KCNIP1: variants seen among roughly 807,000 people sequenced by gnomAD.
KCNIP1 encodes the protein potassium voltage-gated channel interacting protein 1.
In KCNIP1, 18 loss-of-function variants were observed where a neutral mutation model predicts 33.0. The ratio of observed to expected loss-of-function variants is 0.55; its 90% confidence interval spans 0.38 to 0.81. The LOEUF (loss-of-function observed/expected upper bound fraction) is 0.81. Ranked by LOEUF, KCNIP1 falls within the 30% of genes least tolerant of loss-of-function variation. The pLI, the probability that KCNIP1 is intolerant of heterozygous loss-of-function variation, is 0.00. For missense variants in KCNIP1, 238 were observed against 271.6 expected, an observed-to-expected ratio of 0.88 and a Z score of 0.87; for synonymous variants, 93 against 98.3, an observed-to-expected ratio of 0.95 and a Z score of 0.32.
chr5:170,579,164 C>T (rs563677058), intron 1 of KCNIP1, among the ~76,000 whole-genome samples: 7 of 152,174 alleles, frequency 4.6e-5, no homozygotes, highest in Non-Finnish European at 8.8e-5. Context: ...TTCCTATGTA[C>T]AATCCACTTT....
At chr5:170,713,893 G>A (rs907852107) in intron 1 of KCNIP1, among the ~76,000 whole-genome samples, 13 of 151,826 alleles carry the variant, frequency 8.6e-5, no homozygotes, top group South Asian at 8.3e-4. Context: ...GCATGGTGGG[G>A]CACACCTGTA....
chr5:170,591,708 C>T (rs1758269076), intron 1 of KCNIP1, among the ~76,000 whole-genome samples: 1 of 152,188 alleles, frequency 6.6e-6, no homozygotes, highest in Non-Finnish European at 1.5e-5. Context: ...AGTATTTGTA[C>T]CCTGGCTTAT....
At chr5:170,444,947 C>G (rs1756077287) in intron 1 of KCNIP1, among the ~76,000 whole-genome samples, 1 of 152,170 alleles carries the variant, frequency 6.6e-6, no homozygotes, top group Admixed American at 6.5e-5. Flanking sequence ...GTGGGAAGCA[C>G]TAATCCTCAG....
At chr5:170,440,314 G>C (rs901361243) in intron 1 of KCNIP1, among the ~76,000 whole-genome samples, 1 of 152,124 alleles carries the variant, frequency 6.6e-6, no homozygotes, top group Non-Finnish European at 1.5e-5. Context: ...AATACACAAG[G>C]GCCCAGATAC....
chr5:170,602,000 C>T (rs1758714914), intron 1 of KCNIP1, among the ~76,000 whole-genome samples: 1 of 152,150 alleles, frequency 6.6e-6, no homozygotes, highest in Non-Finnish European at 1.5e-5. Flanking sequence ...CCGCCCCAGG[C>T]TCTCTGCCCT....
At chr5:170,682,557 C>T (rs1034432666) in intron 1 of KCNIP1, among the ~76,000 whole-genome samples, 1 of 152,120 alleles carries the variant, frequency 6.6e-6, no homozygotes, top group Non-Finnish European at 1.5e-5. Context: ...TAAAAATCAC[C>T]TGAAATCTGA....
At chr5:170,585,569 T>G (rs1581361059) in intron 1 of KCNIP1, among the ~76,000 whole-genome samples, 1 of 151,992 alleles carries the variant, frequency 6.6e-6, no homozygotes. Flanking sequence ...AGGCCTACAA[T>G]ACCTGCGAGC....
chr5:170,643,534 G>A lies in KCNIP1; in HGVS notation c.62-75224G>A, dbSNP rs112759081. ...AACACTTTACCCACTCACCCCCCAAGCTAAGGGACTCCTGAAATCAGGGAC... is the reference window on the plus strand; with the variant it reads ...AACACTTTACCCACTCACCCCCCAAACTAAGGGACTCCTGAAATCAGGGAC... On this transcript the variant is annotated intron_variant, in intron 1 of 7. Transcript: ENST00000328939. 1.9e-3 allele frequency among the ~76,000 whole-genome samples: 284 copies of A among 152,290 alleles called. 2 individuals carry two copies. The highest frequency in any genetic ancestry group is 6.4e-3 in the African/African-American group (264 of 41,558).
intron 5 of KCNIP1, among the ~76,000 whole-genome samples, chr5:170,732,361 G>T (rs1764236628): frequency 6.6e-6 from 1 of 152,136 alleles, no homozygotes; most frequent in African/African-American, 2.4e-5. Context: ...TGGAACTATT[G>T]GCCTCATGTG....
intron 3 of KCNIP1, 64 bp from the exon 4 acceptor site, chr5:170,721,769 T>G (rs541731788): frequency 6.2e-7 from 1 of 1,614,216 alleles, no homozygotes; most frequent in Non-Finnish European, 8.5e-7. Context: ...CCTGCCTTGT[T>G]TGGAAGGTTC....
intron 1 of KCNIP1, among the ~76,000 whole-genome samples, chr5:170,570,584 GTT>G (rs1757370599): frequency 6.6e-6 from 1 of 152,218 alleles, no homozygotes. Context: ...ATAGAGGCAG[GTT>G]TTAAATCATT....
intron 1 of KCNIP1, among the ~76,000 whole-genome samples, chr5:170,595,784 C>T (rs1758421446): frequency 6.6e-6 from 1 of 152,298 alleles, no homozygotes; most frequent in South Asian, 2.1e-4. Context: ...TAGATTTGAA[C>T]CCAAGACTCT....
At chr5:170,480,414 G>C (rs552788334) in intron 1 of KCNIP1, among the ~76,000 whole-genome samples, 1 of 151,658 alleles carries the variant, frequency 6.6e-6, no homozygotes, top group Non-Finnish European at 1.5e-5. Context: ...CCTTCACATT[G>C]GTATCCTTTT....
chr5:170,720,272 T>A, intron 2 of KCNIP1, 49 bp from the exon 3 acceptor site: 1 of 1,355,484 alleles, frequency 7.4e-7, no homozygotes, highest in Non-Finnish European at 1.1e-6. Context: ...AGTCTTCTCC[T>A]AGTGCTGGCC....
chr5:170,729,404 C>T (rs1193731724), intron 5 of KCNIP1, among the ~76,000 whole-genome samples: 1 of 152,160 alleles, frequency 6.6e-6, no homozygotes, highest in East Asian at 1.9e-4. Flanking sequence ...AGGCAAGAGT[C>T]ATATTCATCG....
At chr5:170,598,902 CGCGT>C (rs1200759269) in intron 1 of KCNIP1, among the ~76,000 whole-genome samples, 50 of 50,442 alleles carry the variant, frequency 9.9e-4, no homozygotes, top group African/African-American at 3.0e-3. Flanking sequence ...TGTGTGTGTG[CGCGT>C]GTGTGTGTGT....
intron 1 of KCNIP1, among the ~76,000 whole-genome samples, chr5:170,675,548 G>T (rs1480259257): frequency 6.6e-6 from 1 of 152,172 alleles, no homozygotes; most frequent in Non-Finnish European, 1.5e-5. Context: ...TTGAACCCAG[G>T]AGGCGGAGGT....
intron 1 of KCNIP1, among the ~76,000 whole-genome samples, chr5:170,689,629 G>A (rs1009932070): frequency 6.6e-6 from 1 of 152,174 alleles, no homozygotes; most frequent in African/African-American, 2.4e-5. Flanking sequence ...GGTTTTGAAG[G>A]ATGTATAGCA....
chr5:170,541,591 CTT>C (rs1404700511), intron 1 of KCNIP1, among the ~76,000 whole-genome samples: 1 of 152,252 alleles, frequency 6.6e-6, no homozygotes, highest in Non-Finnish European at 1.5e-5. Flanking sequence ...TGACTGAGTA[CTT>C]TGTCATCTTC....
Sources: allele counts gnomAD v4.1 joint callset (sites outside exome capture counted in the v4.1 genomes callset), GRCh38; gene constraint gnomAD v4.1.1; transcripts MANE v1.5; gene names NCBI Gene and HGNC (gene_info 2026-07-23, HGNC 2026-07-21).